Variants in MIA3 observed in about 807,000 individuals in gnomAD.
The protein encoded by MIA3 is MIA SH3 domain ER export factor 3.
Under a neutral mutation model 192.4 loss-of-function variants are expected in MIA3, and 90 were observed. That is an observed-to-expected ratio of 0.47 (90% CI 0.39 to 0.56). The LOEUF is 0.56. MIA3 is among the 20% of genes least tolerant of loss of function. The probability of loss-of-function intolerance (pLI) is 0.00; values close to 1 mark genes in which losing one functional copy is unlikely to be tolerated. For missense variants in MIA3, 2,123 were observed against 2,269.4 expected, an observed-to-expected ratio of 0.94 and a Z score of 1.31; for synonymous variants, 740 against 792.8, an observed-to-expected ratio of 0.93 and a Z score of 1.12.
At chr1:222,626,383 G>A (rs1044072704) in intron 3 of MIA3, among the ~76,000 whole-genome samples, 27 of 151,502 alleles carry the variant, frequency 1.8e-4, no homozygotes, top group Non-Finnish European at 2.5e-4. Flanking sequence ...CCCACTGCAT[G>A]ATTCCCTTAA....
At chr1:222,663,022 G>A (rs1415928656) in intron 26 of MIA3, 1 of 152,312 alleles carries the variant, frequency 6.6e-6, no homozygotes, top group African/African-American at 2.4e-5. Flanking sequence ...TTGTATAGCT[G>A]TTATGGCTGG....
At chr1:222,650,924 T>A in intron 11 of MIA3, 21 bp downstream of exon 11, 1 of 1,426,850 alleles carries the variant, frequency 7.0e-7, no homozygotes, top group Non-Finnish European at 9.7e-7. Context: ...TGCTGCTAAG[T>A]ATTACTAATA....
chr1:222,644,413 A>G lies in MIA3; in HGVS notation c.3478-1141A>G, dbSNP rs147973663. On this transcript the variant is annotated intron_variant, in intron 6 of 27. Transcript: ENST00000344922. ...GGCCTTTCCGGAGGAGGAAGCTCTG[A>G]AAAACAGGGGGCCCAGTGCCATTCC... 726 of 1,541,968 alleles carry G rather than the reference A, an allele frequency of 4.7e-4. 5 individuals are homozygous for G. The African/African-American group carries it at 8.7e-3, about 18-fold the overall frequency.
intron 22 of MIA3, 24 bp downstream of exon 22, chr1:222,659,825 T>C (rs764411993): frequency 6.2e-7 from 1 of 1,612,646 alleles, no homozygotes; most frequent in Admixed American, 1.7e-5. Context: ...GATGGCTATA[T>C]TTTCAGCGCG....
At position 222,651,914 on chromosome 1, in the gene MIA3, A is replaced by G. The variant is rs1205853894; in HGVS notation, c.3910-63A>G. The G allele has an allele frequency of 3.4e-6, 3 of 890,530 alleles. No individual in the cohort carries two copies. In the African/African-American group the frequency reaches 4.9e-5, roughly 15 times the overall value. The allele number at this position is 890,530 out of a possible 1,614,324, so 55.2% of individuals were successfully genotyped here. The stretch of plus-strand genomic sequence containing the variant: ...TTTGTTGATGTTTCTTCTTCTTAGT[A>G]TGTATCCCAGTGTTTCTACTAAAAT... On this transcript the variant is annotated intron_variant, in intron 11 of 27. Coordinates refer to ENST00000344922, the MANE Select transcript of MIA3 (RefSeq NM_198551.4).
chr1:222,650,893 A>G lies in MIA3; in HGVS notation c.3899A>G (p.Asn1300Ser). Residue 1300 changes from asparagine (N) to serine (S), a missense_variant, in exon 11 of 28, where the codon AAT becomes AGT. Coordinates refer to ENST00000344922, the MANE Select transcript of MIA3 (RefSeq NM_198551.4). ...LESEREQNVK[N>S]QDLISENKKS... ...TCTGAGAGAGAACAGAATGTCAAGA[A>G]TCAGGACTTGGTAAGAGTTTTGCTG... 6.3e-7 allele frequency: 1 copy of G among 1,594,404 alleles called. No individual in the cohort carries two copies. Among genetic ancestry groups the G allele is most frequent in the South Asian group, 1.1e-5 (1 of 87,770 alleles).
At chr1:222,649,997 A>C (rs930301944) in intron 8 of MIA3, among the ~76,000 whole-genome samples, 6 of 152,298 alleles carry the variant, frequency 3.9e-5, no homozygotes, top group African/African-American at 1.4e-4. Context: ...ACAAGAACTC[A>C]GTCACCATCA....
Position 222,627,647 on chromosome 1 carries a change from T to A in MIA3, c.427T>A (p.Phe143Ile), listed in dbSNP as rs771458412. ...TTATAATGTAGAAGAACTTTTAGGG[T>A]TTTTGGAACTGTACAATTCTGCAGC... ...HNYNVEELLG[F>I]LELYNSAATD... is the part of the protein sequence containing the mutation. The change falls in exon 4 of 28, where the codon TTT becomes ATT. Residue 143 changes from phenylalanine (F) to isoleucine (I), a missense_variant. Around this residue, in one of 3 missense-constraint regions of MIA3, gnomAD observed 1,357 missense variants for 1,396.1 expected, o/e 0.97. Coordinates refer to ENST00000344922, the MANE Select transcript of MIA3 (RefSeq NM_198551.4). 8.8e-6 allele frequency: 14 copies of A among 1,597,310 alleles called. No homozygotes were observed. Among genetic ancestry groups the A allele is most frequent in the Non-Finnish European group, 1.2e-5 (14 of 1,175,082 alleles).
At position 222,662,256 on chromosome 1, in the gene MIA3, C is replaced by T. The variant is rs1037752724; in HGVS notation, c.5186C>T (p.Pro1729Leu). The T allele has an allele frequency of 8.7e-6, 14 of 1,613,530 alleles. No homozygotes were observed. The highest frequency in any genetic ancestry group is 1.1e-5 in the Non-Finnish European group (13 of 1,179,586). The change falls in exon 26 of 28, where the codon CCA becomes CTA. Residue 1729 changes from proline (P) to leucine (L), a missense_variant. Physicochemically the swap from Pro to Leu is moderately conservative, Grantham distance 98 (BLOSUM62 -3). This residue lies in a region of MIA3 where 762 missense variants were observed against 856.4 expected (regional missense o/e 0.89). Transcript: ENST00000344922. Reference protein sequence around the residue: ...EASGKPSPSDPGSGTATMMNS... With the variant: ...EASGKPSPSDLGSGTATMMNS... ...TCAGTTCTCTGGTCTTTAACAGATC[C>T]AGGATCTGGTACAGCTACCATGATG... is the stretch of plus-strand genomic sequence containing the variant.
At chr1:222,647,275 TTATACTA>T (rs1558188105) in intron 7 of MIA3, among the ~76,000 whole-genome samples, 1 of 152,206 alleles carries the variant, frequency 6.6e-6, no homozygotes, top group Non-Finnish European at 1.5e-5. Context: ...ATCCTTATGA[TTATACTA>T]TATAGCATTC....
rs563908753 is a variant in MIA3 at position 222,658,149 on chromosome 1, C to T, written c.4608-573C>T. Among the ~76,000 whole-genome samples, 15 of 152,302 alleles carry T rather than the reference C, an allele frequency of 9.8e-5. No individual in the cohort carries two copies. In the South Asian group the frequency reaches 2.7e-3, roughly 27 times the overall value. ...CTGTTCAACAGACATTGCCAGTACT[C>T]GGATTTGTCTCGCTGCTTTATCATG... is the stretch of plus-strand genomic sequence containing the variant. On this transcript the variant is annotated intron_variant, in intron 18 of 27. Coordinates refer to ENST00000344922, the MANE Select transcript of MIA3 (RefSeq NM_198551.4).
chr1:222,656,362 G>T (rs895572373), intron 18 of MIA3, among the ~76,000 whole-genome samples: 6 of 152,152 alleles, frequency 3.9e-5, no homozygotes, highest in Admixed American at 1.3e-4. Context: ...CTTTCTGCTG[G>T]TTCTGGAATT....
rs1169847769 is a variant in MIA3, at chr1:222,629,913, A to G, written c.2693A>G (p.Glu898Gly). ...GAAAGCCAGGGGTCTGCTGCTGCAG[A>G]ACCTGAAGATGACTCGTTCCACTGG... ...GTESQGSAAA[E>G]PEDDSFHWTP... Residue 898 changes from glutamate (E) to glycine (G), a missense_variant, in exon 4 of 28, where the codon GAA becomes GGA. Around this residue, in one of 3 missense-constraint regions of MIA3, gnomAD observed 1,357 missense variants for 1,396.1 expected, o/e 0.97. Coordinates refer to ENST00000344922, the MANE Select transcript of MIA3 (RefSeq NM_198551.4). 1 of 1,614,130 alleles carries G rather than the reference A, an allele frequency of 6.2e-7. No homozygotes were observed. Among genetic ancestry groups the G allele is most frequent in the South Asian group, 1.1e-5 (1 of 91,082 alleles).
intron 6 of MIA3, chr1:222,641,674 G>A: frequency 1.8e-6 from 1 of 543,518 alleles, no homozygotes. Flanking sequence ...ACTCGTCAGT[G>A]GGAGGAGTAA....
intron 18 of MIA3, among the ~76,000 whole-genome samples, chr1:222,655,281 T>A (rs866471775): frequency 2.6e-5 from 4 of 152,362 alleles, no homozygotes; most frequent in Middle Eastern, 3.4e-3. Flanking sequence ...GTGGCAAAGA[T>A]ATTAGGAGTT....
chr1:222,657,601 G>A (rs1663798943), intron 18 of MIA3, among the ~76,000 whole-genome samples: 1 of 151,946 alleles, frequency 6.6e-6, no homozygotes, highest in South Asian at 2.1e-4. Context: ...ATCCATTATT[G>A]GAAACAAAAT....
chr1:222,658,970 G>C, intron 19 of MIA3, 147 bp downstream of exon 19: 10 of 527,938 alleles, frequency 1.9e-5, no homozygotes, highest in East Asian at 7.1e-5. Context: ...TTAACAAATG[G>C]AAAAATATTA....
chr1:222,633,741 G>A (rs368037565), intron 6 of MIA3, among the ~76,000 whole-genome samples: 3 of 152,080 alleles, frequency 2.0e-5, no homozygotes. Context: ...GCAGGGGGGC[G>A]GGCAGCATGC....
intron 7 of MIA3, among the ~76,000 whole-genome samples, chr1:222,646,840 AATT>A (rs1462899244): frequency 6.6e-6 from 1 of 152,238 alleles, no homozygotes; most frequent in Non-Finnish European, 1.5e-5. Flanking sequence ...AAAATTGTTA[AATT>A]ATTGTATGTT....
Sources: gnomAD v4.1 joint callset for allele counts (sites outside exome capture counted in the v4.1 genomes callset) on GRCh38, gnomAD v4.1.1 for gene constraint, gnomAD v4.1.1 regional missense constraint, MANE v1.5 for transcripts, NCBI Gene and HGNC (gene_info 2026-07-23, HGNC 2026-07-21) for gene names.